Variants in COX10 observed in about 807,000 individuals in gnomAD.
COX10 encodes protoheme IX farnesyltransferase, mitochondrial.
COX10 carries 27 observed loss-of-function variants against 37.3 expected under a neutral mutation model. The observed-to-expected ratio is 0.72, with a 90% CI of 0.53 to 1.00. The LOEUF (loss-of-function observed/expected upper bound fraction) is 1.00, where lower values mean the gene tolerates loss of function less well. Ranked by LOEUF, COX10 falls within the 50% of genes least tolerant of loss-of-function variation. The pLI is 0.00. For synonymous variants in COX10, 222 were observed against 229.1 expected (o/e 0.97, Z 0.28); for missense variants, 475 against 563.2 (o/e 0.84, Z 1.59).
chr17:14,133,673 A>G (rs1916514421), intron 4 of COX10, among the ~76,000 whole-genome samples: 1 of 151,666 alleles, frequency 6.6e-6, no homozygotes, highest in African/African-American at 2.4e-5. Context: ...ATGGCACTAC[A>G]TGGAATAAAA....
chr17:14,071,809 T>C (rs1352919555), intron 1 of COX10, among the ~76,000 whole-genome samples: 1 of 149,200 alleles, frequency 6.7e-6, no homozygotes, highest in African/African-American at 2.5e-5. Context: ...CTGAGGCAGG[T>C]GAATCGCTTG....
chr17:14,118,511 T>C (rs1916162518), intron 4 of COX10, among the ~76,000 whole-genome samples: 1 of 152,200 alleles, frequency 6.6e-6, no homozygotes, highest in Non-Finnish European at 1.5e-5. Flanking sequence ...AAAGTATACA[T>C]CTTTGCACTA....
intron 4 of COX10, among the ~76,000 whole-genome samples, chr17:14,159,575 G>T (rs576366458): frequency 6.8e-4 from 104 of 152,250 alleles, no homozygotes; most frequent in African/African-American, 2.5e-3. Flanking sequence ...CACACATGGG[G>T]GGTCCTAGAG....
rs1352527328 is a variant in COX10, at chr17:14,194,988, A to C, written c.928+2767A>C. Among the ~76,000 whole-genome samples, 4 of 152,348 alleles carry C rather than the reference A, an allele frequency of 2.6e-5. No homozygotes were observed. In the East Asian group the frequency reaches 7.7e-4, roughly 29 times the overall value. On this transcript the variant is annotated intron_variant, in intron 6 of 6. Transcript: ENST00000261643. ...TTGAGGTTGGCTTCTATTACAGTGT[A>C]TCCTTTTACTTTAAATCTTAAAGAT...
intron 6 of COX10, among the ~76,000 whole-genome samples, chr17:14,204,004 G>A (rs1906621981): frequency 6.6e-6 from 1 of 152,160 alleles, no homozygotes; most frequent in African/African-American, 2.4e-5. Context: ...ACAGAATCCT[G>A]TAGTTTGCCT....
chr17:14,123,417 A>G (rs1050340038), intron 4 of COX10, among the ~76,000 whole-genome samples: 1 of 152,230 alleles, frequency 6.6e-6, no homozygotes, highest in Non-Finnish European at 1.5e-5. Context: ...TCATTTGAAT[A>G]GAATGGACTC....
At chr17:14,165,058 A>G (rs184465559) in intron 5 of COX10, among the ~76,000 whole-genome samples, 1 of 152,356 alleles carries the variant, frequency 6.6e-6, no homozygotes, top group Admixed American at 6.5e-5. Flanking sequence ...ACAGAGGGAA[A>G]GATGATTATG....
intron 4 of COX10, among the ~76,000 whole-genome samples, chr17:14,134,347 A>G (rs1318474394): frequency 1.3e-5 from 2 of 151,848 alleles, no homozygotes; most frequent in Non-Finnish European, 1.5e-5. Flanking sequence ...TATCTTTTCT[A>G]TCAGCTTTTT....
At chr17:14,150,070 GA>G (rs1597522703) in intron 4 of COX10, among the ~76,000 whole-genome samples, 1 of 152,086 alleles carries the variant, frequency 6.6e-6, no homozygotes, top group East Asian at 1.9e-4. Flanking sequence ...CCAAGAGTTT[GA>G]GACCAGCCTG....
intron 4 of COX10, among the ~76,000 whole-genome samples, chr17:14,134,349 C>T (rs987430577): frequency 3.3e-5 from 5 of 151,670 alleles, no homozygotes; most frequent in African/African-American, 1.2e-4. Context: ...TCTTTTCTAT[C>T]AGCTTTTTTT....
At chr17:14,119,980 G>A (rs1385451743) in intron 4 of COX10, among the ~76,000 whole-genome samples, 1 of 152,132 alleles carries the variant, frequency 6.6e-6, no homozygotes, top group Non-Finnish European at 1.5e-5. Flanking sequence ...AGGTGATGAT[G>A]CTTTACACTA....
intron 3 of COX10, among the ~76,000 whole-genome samples, chr17:14,095,834 T>C (rs1413330376): frequency 1.3e-5 from 2 of 152,192 alleles, no homozygotes; most frequent in African/African-American, 4.8e-5. Context: ...AAGCAGCCTG[T>C]AGTGCTTGCT....
intron 5 of COX10, among the ~76,000 whole-genome samples, chr17:14,185,952 G>T (rs573067311): frequency 6.6e-6 from 1 of 151,888 alleles, no homozygotes; most frequent in Admixed American, 6.6e-5. Context: ...AGGAGGGCCC[G>T]CTCTCTGCTT....
At chr17:14,145,307 G>A (rs1215741666) in intron 4 of COX10, among the ~76,000 whole-genome samples, 1 of 152,164 alleles carries the variant, frequency 6.6e-6, no homozygotes, top group Non-Finnish European at 1.5e-5. Flanking sequence ...TTGTGGTTGT[G>A]TACTTGTAAT....
rs553870624 is a variant in COX10, at chr17:14,153,057, C to T, written c.625-6820C>T. Reference sequence around the variant, plus strand: ...CTCACGTAAGCTTCTTTTGGCCAGCCCTAACCTAAAACTGTACAGAAAGGG... The same window carrying T: ...CTCACGTAAGCTTCTTTTGGCCAGCTCTAACCTAAAACTGTACAGAAAGGG... On this transcript the variant is annotated intron_variant, in intron 4 of 6. Transcript: ENST00000261643. Among the ~76,000 whole-genome samples, 3 of 152,282 alleles carry T rather than the reference C, an allele frequency of 2.0e-5. No homozygotes were observed. The South Asian group carries it at 6.2e-4, about 32-fold the overall frequency.
At chr17:14,148,014 A>G (rs1021708350) in intron 4 of COX10, among the ~76,000 whole-genome samples, 6 of 151,676 alleles carry the variant, frequency 4.0e-5, no homozygotes, top group Admixed American at 3.3e-4. Flanking sequence ...GCTAGTAAAA[A>G]CCAGTTTAAG....
chr17:14,160,038 C>A, intron 5 of COX10, 91 bp downstream of exon 5: 1 of 1,165,256 alleles, frequency 8.6e-7, no homozygotes, highest in Non-Finnish European at 1.3e-6. Flanking sequence ...CTTTGAGCTG[C>A]GAAGTGGAAA....
chr17:14,180,275 G>A (rs867264507), intron 5 of COX10, among the ~76,000 whole-genome samples: 2 of 152,094 alleles, frequency 1.3e-5, no homozygotes, highest in African/African-American at 4.8e-5. Context: ...TATAAGTATA[G>A]AAATTTCTTT....
intron 6 of COX10, among the ~76,000 whole-genome samples, chr17:14,196,772 A>T (rs1906381115): frequency 6.6e-6 from 1 of 151,990 alleles, no homozygotes; most frequent in African/African-American, 2.4e-5. Flanking sequence ...GGCTCCACCT[A>T]CCCTAGACCT....
Sources: gnomAD v4.1 joint callset for allele counts (sites outside exome capture counted in the v4.1 genomes callset) on GRCh38, gnomAD v4.1.1 for gene constraint, MANE v1.5 for transcripts, NCBI Gene and HGNC (gene_info 2026-07-23, HGNC 2026-07-21) for gene names.